CEP128: variants seen among roughly 807,000 people sequenced by gnomAD.
CEP128 encodes the protein centrosomal protein 128kDa.
Under a neutral mutation model 156.7 loss-of-function variants are expected in CEP128, and 132 were observed. The ratio of observed to expected loss-of-function variants is 0.84; its 90% CI spans 0.73 to 0.97. The LOEUF is 0.97. Among genes scored for constraint, CEP128 ranks in the 50% least tolerant of loss-of-function variants. The probability of loss-of-function intolerance (pLI) is 0.00; values close to 1 mark genes in which losing one functional copy is unlikely to be tolerated. For synonymous variants in CEP128, 469 were observed against 448.9 expected, an observed-to-expected ratio of 1.04 and a Z score of -0.57; for missense variants, 1,252 against 1,281.9, an observed-to-expected ratio of 0.98 and a Z score of 0.36.
chr14:80,758,415 G>A (rs1406093528), intron 17 of CEP128, among the ~76,000 whole-genome samples: 4 of 151,896 alleles, frequency 2.6e-5, no homozygotes, highest in South Asian at 2.1e-4. Flanking sequence ...CCAGCTACTC[G>A]GGAGGCTGAG....
At chr14:80,596,453 T>C (rs2140508364) in intron 19 of CEP128, among the ~76,000 whole-genome samples, 1 of 152,186 alleles carries the variant, frequency 6.6e-6, no homozygotes, top group East Asian at 1.9e-4. Flanking sequence ...TAAACCCTTC[T>C]AAATAATCCA....
At chr14:80,628,726 T>C (rs150986179) in intron 19 of CEP128, among the ~76,000 whole-genome samples, 183 of 152,296 alleles carry the variant, frequency 1.2e-3, no homozygotes, top group African/African-American at 4.3e-3. Context: ...AAGGGTAACA[T>C]ACCTGATTAG....
intron 23 of CEP128, among the ~76,000 whole-genome samples, chr14:80,515,709 CT>C (rs1372547193): frequency 6.6e-6 from 1 of 152,162 alleles, no homozygotes; most frequent in East Asian, 1.9e-4. Context: ...GTTGCCCAAG[CT>C]GCAAGACAAA....
intron 19 of CEP128, among the ~76,000 whole-genome samples, chr14:80,647,012 T>TATATATATATATGTGG (rs71103873): frequency 1.8e-5 from 1 of 54,106 alleles, no homozygotes; most frequent in East Asian, 5.2e-4. Context: ...TATATATATA[T>TATATATATATATGTGG]GTGTGTGTAT....
At chr14:80,537,138 G>C (rs1179260582) in intron 21 of CEP128, among the ~76,000 whole-genome samples, 1 of 151,994 alleles carries the variant, frequency 6.6e-6, no homozygotes, top group Non-Finnish European at 1.5e-5. Flanking sequence ...AGATACAGAA[G>C]GCTTTCTAGG....
intron 20 of CEP128, among the ~76,000 whole-genome samples, chr14:80,564,967 G>A (rs906024087): frequency 1.3e-5 from 2 of 152,132 alleles, no homozygotes; most frequent in African/African-American, 2.4e-5. Flanking sequence ...GCTGAGGCAG[G>A]AGAATCCCTT....
chr14:80,884,930 A>T (rs971589311), intron 8 of CEP128, among the ~76,000 whole-genome samples: 1 of 152,212 alleles, frequency 6.6e-6, no homozygotes. Flanking sequence ...TGCTGCCAGC[A>T]TAGCAGTCTG....
intron 13 of CEP128, among the ~76,000 whole-genome samples, chr14:80,816,374 T>G (rs1331044264): frequency 1.3e-5 from 2 of 152,146 alleles, no homozygotes; most frequent in African/African-American, 4.8e-5. Context: ...GCTAAAAGAC[T>G]GGGGCTTCCT....
At chr14:80,652,054 C>T (rs569407952) in intron 19 of CEP128, among the ~76,000 whole-genome samples, 6 of 151,942 alleles carry the variant, frequency 3.9e-5, no homozygotes, top group East Asian at 1.9e-4. Flanking sequence ...GCCTGACCAT[C>T]GGATCTTTGA....
At chr14:80,659,243 G>T (rs1895296957) in intron 19 of CEP128, among the ~76,000 whole-genome samples, 2 of 151,988 alleles carry the variant, frequency 1.3e-5, no homozygotes, top group African/African-American at 4.8e-5. Context: ...GCAAGATTTG[G>T]TAATAATTTT....
At chr14:80,577,627 A>T (rs536324307) in intron 20 of CEP128, among the ~76,000 whole-genome samples, 1 of 152,140 alleles carries the variant, frequency 6.6e-6, no homozygotes, top group South Asian at 2.1e-4. Context: ...GAGTCTCACA[A>T]ATGTCTGCTT....
In CEP128 at chr14:80,565,159, A is replaced by G. The variant is rs558472569; in HGVS notation, c.2857-5857T>C. On this transcript the variant is annotated intron_variant, in intron 20 of 24. Coordinates refer to ENST00000555265, the MANE Select transcript of CEP128 (RefSeq NM_152446.5). ...CCAAATTGCTCCTGGTGATAACATC[A>G]TTATTGCAAAACCTAAGATCAGTGC... Among the ~76,000 whole-genome samples, 244 of 152,292 alleles carry G rather than the reference A, an allele frequency of 1.6e-3. 2 individuals carry two copies. Among genetic ancestry groups the G allele is most frequent in the African/African-American group, 5.5e-3 (230 of 41,570 alleles).
chr14:80,648,919 G>C (rs1287692428), intron 19 of CEP128, among the ~76,000 whole-genome samples: 1 of 151,932 alleles, frequency 6.6e-6, no homozygotes, highest in African/African-American at 2.4e-5. Flanking sequence ...TTTACAGTAA[G>C]GTATAGATAG....
intron 4 of CEP128, among the ~76,000 whole-genome samples, chr14:80,910,194 C>T (rs1225018348): frequency 6.6e-6 from 1 of 152,122 alleles, no homozygotes; most frequent in Non-Finnish European, 1.5e-5. Flanking sequence ...TATTCTTTTA[C>T]CTCTGTTCTT....
chr14:80,550,225 A>G lies in CEP128; in HGVS notation c.2880+9054T>C, dbSNP rs191881226. Among the ~76,000 whole-genome samples, 27 of 152,332 alleles carry G rather than the reference A, an allele frequency of 1.8e-4. No homozygotes were observed. The East Asian group carries it at 3.7e-3, about 21-fold the overall frequency. Reference sequence around the variant, plus strand: ...AGTATGTTTTGAAAATAAGGGAGATAAGATTTTTTAAGTATTTGGGAAGCT... The same window carrying G: ...AGTATGTTTTGAAAATAAGGGAGATGAGATTTTTTAAGTATTTGGGAAGCT... On this transcript the variant is annotated intron_variant, in intron 21 of 24. Coordinates refer to ENST00000555265, the MANE Select transcript of CEP128 (RefSeq NM_152446.5).
chr14:80,537,247 G>C (rs961202), intron 21 of CEP128, among the ~76,000 whole-genome samples: 1 of 151,912 alleles, frequency 6.6e-6, no homozygotes, highest in Admixed American at 6.5e-5. Flanking sequence ...ATTTCTACAT[G>C]TAAGTGAATT....
intron 2 of CEP128, among the ~76,000 whole-genome samples, chr14:80,952,658 G>A (rs1210655000): frequency 1.3e-5 from 2 of 151,504 alleles, no homozygotes; most frequent in Non-Finnish European, 2.9e-5. Context: ...ATAAAGATCA[G>A]AGCATATATC....
chr14:80,766,106 C>G (rs958433295), intron 16 of CEP128, among the ~76,000 whole-genome samples: 2 of 152,182 alleles, frequency 1.3e-5, no homozygotes, highest in Non-Finnish European at 2.9e-5. Flanking sequence ...ATATCCCAAA[C>G]TTTTAAAGGG....
chr14:80,925,601 T>C (rs957056193), intron 2 of CEP128, among the ~76,000 whole-genome samples: 2 of 152,116 alleles, frequency 1.3e-5, no homozygotes, highest in African/African-American at 4.8e-5. Flanking sequence ...TTTTTGGTTT[T>C]TTTTTTCTCC....
Sources: allele counts gnomAD v4.1 joint callset (sites outside exome capture counted in the v4.1 genomes callset), GRCh38; gene constraint gnomAD v4.1.1; transcripts MANE v1.5; gene names NCBI Gene and HGNC (gene_info 2026-07-23, HGNC 2026-07-21).